Variants in MACROD2 observed in about 807,000 individuals in gnomAD.
MACROD2 encodes the protein mono-ADP ribosylhydrolase 2, also known as ADP-ribose glycohydrolase MACROD2.
Under a neutral mutation model 70.4 loss-of-function variants are expected in MACROD2, and 36 were observed. The observed-to-expected ratio is 0.51, with a 90% CI of 0.39 to 0.68. The LOEUF (loss-of-function observed/expected upper bound fraction) is 0.68, where lower values mean the gene tolerates loss of function less well. MACROD2 is among the 30% of genes least tolerant of loss of function. The pLI is 0.00. For synonymous variants in MACROD2, 172 were observed against 178.8 expected (o/e 0.96, Z 0.30); for missense variants, 496 against 538.4 (o/e 0.92, Z 0.78).
At chr20:14,442,247 G>T (rs1011162524) in intron 3 of MACROD2, among the ~76,000 whole-genome samples, 2 of 152,046 alleles carry the variant, frequency 1.3e-5, no homozygotes, top group African/African-American at 4.8e-5. Context: ...TCTAGCCTGG[G>T]TGATAGAGTG....
At chr20:15,728,357 GTT>G (rs1322692315) in intron 8 of MACROD2, among the ~76,000 whole-genome samples, 1 of 152,016 alleles carries the variant, frequency 6.6e-6, no homozygotes, top group South Asian at 2.1e-4. Context: ...TTGATCTGAT[GTT>G]TTCTTTTTCA....
At chr20:14,090,892 C>T (rs1408547346) in intron 3 of MACROD2, among the ~76,000 whole-genome samples, 1 of 152,126 alleles carries the variant, frequency 6.6e-6, no homozygotes, top group African/African-American at 2.4e-5. Flanking sequence ...CTTTTCTCTG[C>T]ATCCTCACCA....
chr20:15,503,169 TAA>T (rs1555830710), intron 8 of MACROD2, among the ~76,000 whole-genome samples: 1 of 152,160 alleles, frequency 6.6e-6, no homozygotes, highest in Non-Finnish European at 1.5e-5. Context: ...GGATGACAAC[TAA>T]ATTTTTGGCC....
chr20:15,365,579 T>G (rs1055524060), intron 6 of MACROD2, among the ~76,000 whole-genome samples: 2 of 151,658 alleles, frequency 1.3e-5, no homozygotes, highest in Admixed American at 1.3e-4. Context: ...GAGAATCGCT[T>G]GAACCCAAGA....
chr20:15,515,051 C>G (rs980755811), intron 8 of MACROD2, among the ~76,000 whole-genome samples: 1 of 152,160 alleles, frequency 6.6e-6, no homozygotes, highest in African/African-American at 2.4e-5. Flanking sequence ...ATTTGTGAAA[C>G]CAAGATGGCA....
chr20:14,999,129 A>T (rs566702171), intron 5 of MACROD2, among the ~76,000 whole-genome samples: 5 of 152,348 alleles, frequency 3.3e-5, no homozygotes, highest in South Asian at 2.1e-4. Context: ...GTCCTACAAG[A>T]AATGCTAAGG....
chr20:15,227,119 C>A (rs1216868272), intron 5 of MACROD2, among the ~76,000 whole-genome samples: 1 of 152,018 alleles, frequency 6.6e-6, no homozygotes, highest in Non-Finnish European at 1.5e-5. Context: ...TAATATAGAG[C>A]ATAAATACAA....
intron 3 of MACROD2, among the ~76,000 whole-genome samples, chr20:14,087,901 A>G (rs1258199966): frequency 1.3e-5 from 2 of 152,126 alleles, no homozygotes; most frequent in Non-Finnish European, 2.9e-5. Context: ...GTATATATAC[A>G]TAAGAGAGAT....
intron 10 of MACROD2, among the ~76,000 whole-genome samples, chr20:15,924,432 C>A (rs1471365195): frequency 6.6e-6 from 1 of 152,204 alleles, no homozygotes; most frequent in Non-Finnish European, 1.5e-5. Flanking sequence ...AAGTGGAGAA[C>A]TGAAGCAGTT....
chr20:15,073,378 TGTAAG>T (rs898901961), intron 5 of MACROD2, among the ~76,000 whole-genome samples: 5 of 151,922 alleles, frequency 3.3e-5, no homozygotes, highest in African/African-American at 1.2e-4. Context: ...GCCTGCCAAT[TGTAAG>T]GTAATCTTTT....
intron 8 of MACROD2, among the ~76,000 whole-genome samples, chr20:15,700,254 G>T (rs2146894767): frequency 6.6e-6 from 1 of 152,298 alleles, no homozygotes; most frequent in South Asian, 2.1e-4. Flanking sequence ...ATCTGGTCTT[G>T]CCTCCCGTCT....
intron 8 of MACROD2, among the ~76,000 whole-genome samples, chr20:15,691,234 T>G (rs534744822): frequency 3.6e-4 from 55 of 152,332 alleles, no homozygotes; most frequent in African/African-American, 1.3e-3. Flanking sequence ...TGGCTGACCT[T>G]GGATGTAACA....
At chr20:15,232,972 T>C (rs988254592) in intron 6 of MACROD2, among the ~76,000 whole-genome samples, 1 of 152,086 alleles carries the variant, frequency 6.6e-6, no homozygotes, top group Non-Finnish European at 1.5e-5. Context: ...ACCCTGACGT[T>C]ATCAGGTAAC....
chr20:15,312,783 C>T (rs1426939652), intron 6 of MACROD2, among the ~76,000 whole-genome samples: 1 of 151,950 alleles, frequency 6.6e-6, no homozygotes, highest in Non-Finnish European at 1.5e-5. Flanking sequence ...ATATATACAT[C>T]TACTATTTAA....
At chr20:15,876,000 G>T (rs1055390873) in intron 9 of MACROD2, among the ~76,000 whole-genome samples, 7 of 150,134 alleles carry the variant, frequency 4.7e-5, no homozygotes, top group South Asian at 2.1e-4. Context: ...TAAGAGTAAA[G>T]ACAAAAATAA....
chr20:14,168,757 C>A (rs2081193153), intron 3 of MACROD2, among the ~76,000 whole-genome samples: 1 of 152,140 alleles, frequency 6.6e-6, no homozygotes, highest in African/African-American at 2.4e-5. Flanking sequence ...GGATTCACAG[C>A]TGAATTCTAT....
intron 5 of MACROD2, among the ~76,000 whole-genome samples, chr20:15,169,468 G>A (rs569579354): frequency 6.6e-6 from 1 of 152,280 alleles, no homozygotes; most frequent in African/African-American, 2.4e-5. Flanking sequence ...TCTTGGCTAA[G>A]GGGCCACCGT....
intron 6 of MACROD2, among the ~76,000 whole-genome samples, chr20:15,345,195 G>T (rs1182927631): frequency 6.6e-6 from 1 of 152,118 alleles, no homozygotes; most frequent in African/African-American, 2.4e-5. Flanking sequence ...TTAGGGGAAG[G>T]GTTTCAACAT....
intron 8 of MACROD2, among the ~76,000 whole-genome samples, chr20:15,630,424 G>A (rs1027108355): frequency 6.6e-6 from 1 of 152,170 alleles, no homozygotes; most frequent in African/African-American, 2.4e-5. Flanking sequence ...CTTGACTTGA[G>A]CAGTCCCTTT....
Sources: gnomAD v4.1 joint callset for allele counts (sites outside exome capture counted in the v4.1 genomes callset) on GRCh38, gnomAD v4.1.1 for gene constraint, MANE v1.5 for transcripts, NCBI Gene and HGNC (gene_info 2026-07-23, HGNC 2026-07-21) for gene names.